Variants in SLC8B1 observed in about 807,000 individuals in gnomAD.
SLC8B1 encodes the protein mitochondrial sodium/calcium exchanger protein.
In SLC8B1, 52 loss-of-function variants were observed where a neutral mutation model predicts 63.4. That is an observed-to-expected ratio of 0.82 (90% CI 0.66 to 1.03). The LOEUF (loss-of-function observed/expected upper bound fraction) is 1.03. SLC8B1 is among the 50% of genes least tolerant of loss of function. SLC8B1 has a pLI of 0.00. For missense variants in SLC8B1, 657 were observed against 741.7 expected (o/e 0.89, Z 1.33); for synonymous variants, 336 against 323.9 (o/e 1.04, Z -0.40).
At chr12:113,328,887 G>A (rs984475266) in intron 2 of SLC8B1, among the ~76,000 whole-genome samples, 3 of 152,048 alleles carry the variant, frequency 2.0e-5, no homozygotes, top group Admixed American at 6.6e-5. Context: ...GAGTAGCTGG[G>A]ATTGCAGACG....
chr12:113,333,262 C>A (rs1470244397), intron 1 of SLC8B1, among the ~76,000 whole-genome samples: 2 of 149,216 alleles, frequency 1.3e-5, no homozygotes, highest in Non-Finnish European at 3.0e-5. Flanking sequence ...AGCCAAGATT[C>A]AGAGTCTCAG....
intron 8 of SLC8B1, among the ~76,000 whole-genome samples, chr12:113,318,358 CTATG>C (rs1192896001): frequency 1.3e-5 from 2 of 149,778 alleles, no homozygotes; most frequent in Middle Eastern, 3.5e-3. Flanking sequence ...GCATGTACTC[CTATG>C]TGTGTTGTGT....
intron 2 of SLC8B1, among the ~76,000 whole-genome samples, chr12:113,328,275 C>G (rs1483784672): frequency 6.6e-6 from 1 of 152,150 alleles, no homozygotes; most frequent in Non-Finnish European, 1.5e-5. Flanking sequence ...GTGATCCTCC[C>G]GCCTCGGCCT....
intron 8 of SLC8B1, among the ~76,000 whole-genome samples, chr12:113,318,470 TTG>T (rs779965802): frequency 2.5e-4 from 38 of 150,884 alleles, no homozygotes; most frequent in Admixed American, 5.9e-4. Context: ...GTGCATGTAT[TTG>T]TGTGCATGTA....
intron 15 of SLC8B1, chr12:113,302,627 GACATGAGGT>G: frequency 2.2e-6 from 1 of 456,086 alleles, no homozygotes; most frequent in South Asian, 1.5e-5. Context: ...ACGCAGTGAA[GACATGAGGT>G]ACCGTGTGGG....
At position 113,321,365 on chromosome 12, in the gene SLC8B1, A is replaced by T. The variant is rs774430949; in HGVS notation, c.157-17T>A. On this transcript the variant is annotated splice_polypyrimidine_tract_variant and intron_variant, in intron 2 of 15. Coordinates refer to ENST00000680972, the MANE Select transcript of SLC8B1 (RefSeq NM_001358345.2). The stretch of plus-strand genomic sequence containing the variant: ...CTTGCGGCACTGCAGGAAGACAGGG[A>T]GGGGGACATCAGCGGCAGAGACTTC... The T allele has an allele frequency of 4.3e-6, 7 of 1,614,078 alleles. No individual in the cohort carries two copies. The highest frequency in any genetic ancestry group is 5.9e-6 in the Non-Finnish European group (7 of 1,179,982).
intron 12 of SLC8B1, among the ~76,000 whole-genome samples, chr12:113,309,143 C>T (rs1286672176): frequency 6.6e-6 from 1 of 152,202 alleles, no homozygotes; most frequent in South Asian, 2.1e-4. Flanking sequence ...GCGTGAGCCA[C>T]CACGCCCAGC....
chr12:113,302,294 C>A (rs1162687225), intron 15 of SLC8B1: 2 of 195,066 alleles, frequency 1.0e-5, no homozygotes, highest in Admixed American at 5.5e-5. Context: ...CAGAGATGGG[C>A]CCACTGGGCA....
rs142990549 is a variant in SLC8B1, at chr12:113,320,237, C to A, written c.694+94G>T. ...ACTTGTAATCAAATCAAAGCCCCCA[C>A]TGACCACCCCTCACACCTCTCTGTC... is the stretch of plus-strand genomic sequence containing the variant. On this transcript the variant is annotated intron_variant, in intron 7 of 15. Transcript: ENST00000680972. This position sits in a 1 kb window ranked among gnomAD's most constrained non-coding sequence, Gnocchi z 5.3. 14,471 of 1,437,908 alleles carry A rather than the reference C, an allele frequency of 0.01. 99 individuals are homozygous for A. The highest frequency in any genetic ancestry group is 0.019 in the Middle Eastern group (93 of 4,928). 89.1% of individuals were successfully genotyped at this position (1,437,908 alleles called of 1,614,324 possible). A position where few individuals can be genotyped will look rare whatever the true frequency, so the allele number is the denominator to read the frequency against.
rs960831495 is a variant in SLC8B1, at chr12:113,327,099, C to T, written c.156+5624G>A. Among the ~76,000 whole-genome samples the T allele has an allele frequency of 1.3e-4, 20 of 152,036 alleles. 2 individuals carry two copies. The highest frequency in any genetic ancestry group is 6.6e-4 in the Admixed American group (10 of 15,256). On this transcript the variant is annotated intron_variant, in intron 2 of 15. Coordinates refer to ENST00000680972, the MANE Select transcript of SLC8B1 (RefSeq NM_001358345.2). Reference sequence around the variant, plus strand: ...CCTGGGCCTGTGGCTTTGCTGGGGCCCAGGAATTTCCCAGGGAGATAAAGT... The same window carrying T: ...CCTGGGCCTGTGGCTTTGCTGGGGCTCAGGAATTTCCCAGGGAGATAAAGT...
At chr12:113,333,753 A>G (rs138253621) in intron 1 of SLC8B1, among the ~76,000 whole-genome samples, 2,216 of 152,074 alleles carry the variant, frequency 0.015, 47 homozygotes, top group African/African-American at 0.051. Flanking sequence ...CTGTTACCCA[A>G]GCTGGAGTGC....
chr12:113,310,805 T>C (rs576025539), intron 11 of SLC8B1, among the ~76,000 whole-genome samples: 2 of 152,324 alleles, frequency 1.3e-5, no homozygotes, highest in South Asian at 4.1e-4. Flanking sequence ...TTAACAAATA[T>C]GAAGGTTCCA....
chr12:113,325,721 C>T (rs538649105), intron 2 of SLC8B1, among the ~76,000 whole-genome samples: 1 of 151,748 alleles, frequency 6.6e-6, no homozygotes, highest in Non-Finnish European at 1.5e-5. Context: ...CTCGCCACCA[C>T]GCCCAGCTAA....
intron 12 of SLC8B1, 34 bp from the exon 13 acceptor site, chr12:113,307,878 C>T: frequency 3.7e-6 from 6 of 1,601,944 alleles, no homozygotes; most frequent in Non-Finnish European, 5.1e-6. Context: ...GGGACCAAGG[C>T]CAGCCCCAAC....
At chr12:113,312,083 A>G (rs1344670) in intron 11 of SLC8B1, among the ~76,000 whole-genome samples, 1 of 151,870 alleles carries the variant, frequency 6.6e-6, no homozygotes, top group Non-Finnish European at 1.5e-5. Context: ...GGTAAGATGG[A>G]ATCAAGCAGA....
rs746573028 is a variant in SLC8B1, at chr12:113,321,055, C to G, written c.362+1G>C. 3 of 1,612,106 alleles carry G rather than the reference C, an allele frequency of 1.9e-6. No individual in the cohort carries two copies. The African/African-American group carries it at 4.0e-5, about 22-fold the overall frequency. ...AGACCGGAGCCCAGAGCCAAACTCACAACTTGGCTGCGGTGACTCCCAGAA... is the reference window on the plus strand; with the variant it reads ...AGACCGGAGCCCAGAGCCAAACTCAGAACTTGGCTGCGGTGACTCCCAGAA... On this transcript the variant is annotated splice_donor_variant, in intron 4 of 15. Transcript: ENST00000680972. LOFTEE classifies it high-confidence loss of function.
intron 15 of SLC8B1, among the ~76,000 whole-genome samples, chr12:113,303,780 G>A (rs1566223139): frequency 1.4e-5 from 2 of 147,594 alleles, no homozygotes; most frequent in Non-Finnish European, 3.0e-5. Flanking sequence ...ATGGTGCTCA[G>A]TCTGGCCCTT....
intron 8 of SLC8B1, among the ~76,000 whole-genome samples, chr12:113,318,302 T>C (rs1956867639): frequency 6.6e-6 from 1 of 152,140 alleles, no homozygotes; most frequent in African/African-American, 2.4e-5. Context: ...AGCATGTATT[T>C]GTGTATGTGC....
chr12:113,304,967 T>C (rs1956651627), intron 14 of SLC8B1, among the ~76,000 whole-genome samples: 1 of 152,160 alleles, frequency 6.6e-6, no homozygotes, highest in Admixed American at 6.5e-5. Flanking sequence ...CCAAACACCA[T>C]ATCTGAGGAG....
Sources: allele counts gnomAD v4.1 joint callset (sites outside exome capture counted in the v4.1 genomes callset), GRCh38; gene constraint gnomAD v4.1.1; non-coding constraint Gnocchi (gnomAD v3.1); transcripts MANE v1.5; gene names NCBI Gene and HGNC (gene_info 2026-07-23, HGNC 2026-07-21).